The following HNF4G variants were observed in gnomAD, a reference collection of about 807,000 sequenced individuals.
The protein encoded by HNF4G is hepatocyte nuclear factor 4-gamma.
A neutral mutation model predicts 50.9 loss-of-function variants in HNF4G; 21 were observed. That is an observed-to-expected ratio of 0.41 (90% CI 0.29 to 0.59). HNF4G has a LOEUF of 0.59. Ranked by LOEUF, HNF4G falls within the 20% of genes least tolerant of loss-of-function variation. The pLI is 0.26. For synonymous variants in HNF4G, 198 were observed against 185.6 expected (o/e 1.07, Z -0.54); for missense variants, 527 against 559.4 (o/e 0.94, Z 0.58).
At chr8:75,412,944 A>C (rs1205961680) in intron 1 of HNF4G, among the ~76,000 whole-genome samples, 1 of 152,130 alleles carries the variant, frequency 6.6e-6, no homozygotes, top group East Asian at 1.9e-4. Context: ...ATACCGTGGA[A>C]AACAGAAGCA....
intron 2 of HNF4G, among the ~76,000 whole-genome samples, chr8:75,504,437 C>G (rs527515572): frequency 4.6e-5 from 7 of 152,164 alleles, no homozygotes; most frequent in African/African-American, 1.4e-4. Context: ...ATTACTAGGT[C>G]AAAAGTTACA....
At chr8:75,430,986 CAG>C (rs1811004358) in intron 1 of HNF4G, among the ~76,000 whole-genome samples, 1 of 151,730 alleles carries the variant, frequency 6.6e-6, no homozygotes, top group Non-Finnish European at 1.5e-5. Flanking sequence ...TGGTAAAAGA[CAG>C]AAGACTATAA....
At chr8:75,478,925 T>C (rs955862389) in intron 1 of HNF4G, among the ~76,000 whole-genome samples, 2 of 152,172 alleles carry the variant, frequency 1.3e-5, no homozygotes, top group African/African-American at 2.4e-5. Flanking sequence ...TTTCTCCATG[T>C]TGGTCAGGCT....
intron 9 of HNF4G, among the ~76,000 whole-genome samples, 167 bp downstream of exon 9, chr8:75,560,633 C>T (rs1240456105): frequency 6.6e-6 from 1 of 152,062 alleles, no homozygotes; most frequent in East Asian, 1.9e-4. Context: ...ACTTATTCTC[C>T]CTAGACATAA....
chr8:75,563,498 G>GT, intron 9 of HNF4G, among the ~76,000 whole-genome samples: 1 of 150,922 alleles, frequency 6.6e-6, no homozygotes, highest in East Asian at 1.9e-4. Flanking sequence ...CATTTATAAA[G>GT]TATCTTAACC....
intron 2 of HNF4G, among the ~76,000 whole-genome samples, chr8:75,518,617 G>A (rs1409036625): frequency 6.6e-6 from 1 of 152,120 alleles, no homozygotes; most frequent in Non-Finnish European, 1.5e-5. Flanking sequence ...CAAAGTTTGG[G>A]ACTTGCACAC....
chr8:75,545,185 A>G (rs1806736895), intron 2 of HNF4G, among the ~76,000 whole-genome samples: 1 of 152,034 alleles, frequency 6.6e-6, no homozygotes, highest in Non-Finnish European at 1.5e-5. Context: ...TAAAACAAAT[A>G]CAGAATAACC....
chr8:75,469,937 A>C (rs1055449966), intron 1 of HNF4G, among the ~76,000 whole-genome samples: 18 of 152,146 alleles, frequency 1.2e-4, no homozygotes, highest in African/African-American at 4.1e-4. Context: ...GAAACCTGAG[A>C]GTGTCCCCTG....
intron 1 of HNF4G, among the ~76,000 whole-genome samples, chr8:75,449,477 G>T (rs973606682): frequency 2.7e-5 from 4 of 150,562 alleles, no homozygotes; most frequent in African/African-American, 9.8e-5. Flanking sequence ...CTTCATATAT[G>T]CATTATCTCA....
At chr8:75,526,056 G>T (rs1200533544) in intron 2 of HNF4G, among the ~76,000 whole-genome samples, 1 of 151,920 alleles carries the variant, frequency 6.6e-6, no homozygotes, top group Non-Finnish European at 1.5e-5. Flanking sequence ...AAATAGAACC[G>T]ATCTTCATTA....
At chr8:75,548,256 A>G (rs1381925291) in intron 3 of HNF4G, among the ~76,000 whole-genome samples, 4 of 152,160 alleles carry the variant, frequency 2.6e-5, no homozygotes, top group African/African-American at 9.7e-5. Flanking sequence ...AAGGGCTGGG[A>G]TTACAGGCTT....
chr8:75,475,838 T>C (rs1021821972), intron 1 of HNF4G, among the ~76,000 whole-genome samples: 1 of 152,166 alleles, frequency 6.6e-6, no homozygotes, highest in Non-Finnish European at 1.5e-5. Flanking sequence ...CTAAAGTGTA[T>C]GTAGGGTGTA....
chr8:75,545,259 G>C (rs1806741781), intron 2 of HNF4G, among the ~76,000 whole-genome samples: 1 of 151,726 alleles, frequency 6.6e-6, no homozygotes, highest in African/African-American at 2.4e-5. Flanking sequence ...GTGTGTGTGT[G>C]TGTGTGTGTG....
chr8:75,554,015 C>T (rs1807045375), intron 5 of HNF4G, among the ~76,000 whole-genome samples: 1 of 151,862 alleles, frequency 6.6e-6, no homozygotes, highest in Admixed American at 6.6e-5. Flanking sequence ...CTTTCTCTCA[C>T]CTTAAATTAA....
chr8:75,420,344 TA>T (rs1810747828), intron 1 of HNF4G, among the ~76,000 whole-genome samples: 1 of 152,264 alleles, frequency 6.6e-6, no homozygotes, highest in African/African-American at 2.4e-5. Context: ...TAAATAAGAA[TA>T]TGTTATCTTC....
At chr8:75,477,300 T>C (rs1812262616) in intron 1 of HNF4G, among the ~76,000 whole-genome samples, 1 of 152,222 alleles carries the variant, frequency 6.6e-6, no homozygotes. Context: ...TTTTTAACTG[T>C]GTACTTTCAG....
At chr8:75,534,886 G>A (rs1806419060), upstream of HNF4G, among the ~76,000 whole-genome samples, 1 of 151,696 alleles carries the variant, frequency 6.6e-6, no homozygotes, top group Non-Finnish European at 1.5e-5. Context: ...AACTATGTAA[G>A]CAAAGCTATA....
At chr8:75,513,255 C>G (rs922663900) in intron 2 of HNF4G, among the ~76,000 whole-genome samples, 1 of 152,078 alleles carries the variant, frequency 6.6e-6, no homozygotes, top group Non-Finnish European at 1.5e-5. Flanking sequence ...CCAGGCTAGT[C>G]TTGAACTCCT....
chr8:75,452,492 G>C (rs1428632494), intron 1 of HNF4G, among the ~76,000 whole-genome samples: 1 of 152,118 alleles, frequency 6.6e-6, no homozygotes, highest in East Asian at 1.9e-4. Flanking sequence ...GCCCGAAGCG[G>C]GGGGATCATG....
Sources: allele counts gnomAD v4.1 joint callset (sites outside exome capture counted in the v4.1 genomes callset), GRCh38; gene constraint gnomAD v4.1.1; transcripts MANE v1.5; gene names NCBI Gene and HGNC (gene_info 2026-07-23, HGNC 2026-07-21).